Variants in SPTBN5 observed in about 807,000 individuals in gnomAD.
The protein encoded by SPTBN5 is spectrin beta, non-erythrocytic 5, also known as spectrin beta chain, non-erythrocytic 5.
A neutral mutation model predicts 477.6 loss-of-function variants in SPTBN5; 513 were observed. The observed-to-expected ratio is 1.07, with a 90% confidence interval of 1.00 to 1.16. SPTBN5 has a LOEUF of 1.16. Among genes scored for constraint, SPTBN5 ranks in the 50% most tolerant of loss-of-function variants. SPTBN5 has a pLI of 0.00. For missense variants in SPTBN5, 5,062 were observed against 4,731.8 expected, an observed-to-expected ratio of 1.07 and a Z score of -2.05; for synonymous variants, 2,169 against 2,011.7, an observed-to-expected ratio of 1.08 and a Z score of -2.09.
intron 67 of SPTBN5, 110 bp from the exon 68 acceptor site, chr15:41,848,738 A>C: frequency 7.7e-7 from 1 of 1,300,438 alleles, no homozygotes; most frequent in Non-Finnish European, 1.1e-6. Context: ...GCCTCCTAGA[A>C]TAAGCGTGGG....
At chr15:41,868,350 A>G in intron 33 of SPTBN5, 48 bp downstream of exon 33, 1 of 1,575,312 alleles carries the variant, frequency 6.3e-7, no homozygotes, top group Non-Finnish European at 8.6e-7. Flanking sequence ...GGCCAGGCAC[A>G]GGCTTGGTCA....
intron 58 of SPTBN5, 37 bp downstream of exon 58, chr15:41,853,545 G>T (rs371066277): frequency 1.2e-5 from 18 of 1,552,004 alleles, no homozygotes; most frequent in Non-Finnish European, 1.6e-5. Flanking sequence ...CACCCCACAG[G>T]GTAGAGCTGA....
intron 5 of SPTBN5, 85 bp from the exon 6 acceptor site, chr15:41,887,526 A>T: frequency 9.3e-7 from 1 of 1,075,380 alleles, no homozygotes; most frequent in Non-Finnish European, 1.4e-6. Flanking sequence ...TCATGCTCCT[A>T]TTGGCCATTC....
rs770684341 is a variant in SPTBN5 at position 41,862,651 on chromosome 15, G to C, written c.7273C>G (p.Arg2425Gly). ...PIQAQVESLE[R>G]EVGRLCQRSP... ...CTTTGGCAGAGGCGGCCCACTTCACGCTCTAGGGACTGCGGGGGAAGCCGG... is the reference window on the plus strand; with the variant it reads ...CTTTGGCAGAGGCGGCCCACTTCACCCTCTAGGGACTGCGGGGGAAGCCGG... Residue 2425 changes from arginine to glycine, a missense_variant, in exon 43 of 68, where the codon CGT becomes GGT. Coordinates refer to ENST00000320955, the MANE Select transcript of SPTBN5 (RefSeq NM_016642.4). 3.9e-6 allele frequency: 6 copies of C among 1,553,464 alleles called. No homozygotes were observed. The highest frequency in any genetic ancestry group is 5.2e-6 in the Non-Finnish European group (6 of 1,152,630).
At chr15:41,884,175 A>T (rs1029164364) in intron 7 of SPTBN5, among the ~76,000 whole-genome samples, 6 of 151,804 alleles carry the variant, frequency 4.0e-5, no homozygotes, top group Non-Finnish European at 5.9e-5. Context: ...TTTAGTAGAG[A>T]CGGGGTTTCA....
rs746881933 is a variant in SPTBN5, at chr15:41,893,512, T to C, written c.-15A>G. The C allele has an allele frequency of 3.4e-5, 53 of 1,558,220 alleles. No individual in the cohort carries two copies. Among genetic ancestry groups the C allele is most frequent in the Non-Finnish European group, 4.3e-5 (50 of 1,156,922 alleles). ...TGACCAGCCATCAGCCCTGCAGACTTTGGGGATGAGGAGCTGCTGGATGGC... is the reference window on the plus strand; with the variant it reads ...TGACCAGCCATCAGCCCTGCAGACTCTGGGGATGAGGAGCTGCTGGATGGC... On this transcript the variant is annotated 5_prime_UTR_variant, in exon 2 of 68. Transcript: ENST00000320955.
Position 41,885,920 on chromosome 15 carries a change from T to C in SPTBN5, c.1335A>G (p.Ala445=), listed in dbSNP as rs2067132076. The part of the protein sequence containing the change: ...AALRESFLKD[A]EQVLDQARAP... Reference sequence around the variant, plus strand: ...CTCTGGCCTGGTCTAGCACCTGCTCTGCATCCTTAAGGAAACTCTCCCGGA... The same window carrying C: ...CTCTGGCCTGGTCTAGCACCTGCTCCGCATCCTTAAGGAAACTCTCCCGGA... The change falls in exon 7 of 68, where the codon GCA becomes GCG. Residue 445 remains alanine, a synonymous_variant. Coordinates refer to ENST00000320955, the MANE Select transcript of SPTBN5 (RefSeq NM_016642.4). 4 of 1,581,406 alleles carry C rather than the reference T, an allele frequency of 2.5e-6. No homozygotes were observed. Among genetic ancestry groups the C allele is most frequent in the Non-Finnish European group, 3.4e-6 (4 of 1,163,716 alleles).
At chr15:41,860,066 A>G (rs1298767190) in intron 47 of SPTBN5, among the ~76,000 whole-genome samples, 7 of 152,246 alleles carry the variant, frequency 4.6e-5, no homozygotes, top group Non-Finnish European at 7.3e-5. Flanking sequence ...TGCAGGTCAC[A>G]TGCATCTGTG....
In SPTBN5 at chr15:41,861,718, G is replaced by A. The variant is rs1262462382; in HGVS notation, c.7737+17C>T. The A allele has an allele frequency of 1.6e-5, 24 of 1,533,732 alleles. No individual in the cohort carries two copies. The East Asian group carries it at 5.8e-4, about 37-fold the overall frequency. ...TCGGGGGGGCAAGATGCAGGCTGGG[G>A]ATGGGACTGTGCCTGCCTGTAGCTC... On this transcript the variant is annotated intron_variant, in intron 45 of 67. Transcript: ENST00000320955.
intron 32 of SPTBN5, 35 bp from the exon 33 acceptor site, chr15:41,868,636 G>C (rs764683495): frequency 6.3e-7 from 1 of 1,580,630 alleles, no homozygotes; most frequent in South Asian, 1.1e-5. Flanking sequence ...AGCCGGGTGA[G>C]GGCTGGGCTG....
intron 11 of SPTBN5, 27 bp from the exon 12 acceptor site, chr15:41,882,172 G>C: frequency 3.9e-6 from 6 of 1,536,988 alleles, no homozygotes; most frequent in African/African-American, 1.4e-5. Context: ...GGGGTGGTGT[G>C]GGTGAAGGGG....
chr15:41,862,087 G>C, intron 44 of SPTBN5, 43 bp downstream of exon 44: 2 of 1,401,424 alleles, frequency 1.4e-6, no homozygotes, highest in Non-Finnish European at 1.9e-6. Flanking sequence ...GGGCAGGGCG[G>C]AGCTGAGAGC....
rs765048017 is a variant in SPTBN5 at position 41,877,296 on chromosome 15, T to C, written c.3531A>G (p.Gln1177=). 2.5e-6 allele frequency: 4 copies of C among 1,613,168 alleles called. No individual in the cohort carries two copies. In the East Asian group the frequency reaches 6.7e-5, roughly 27 times the overall value. The change falls in exon 18 of 68, where the codon CAA becomes CAG. Residue 1177 remains glutamine, a synonymous_variant. Coordinates refer to ENST00000320955, the MANE Select transcript of SPTBN5 (RefSeq NM_016642.4). The stretch of plus-strand genomic sequence containing the variant: ...GGACCCTCAGAGTGTTGGGCACCTC[T>C]TGGGAGTCTGGGCAGTCCAAGGCTG... The part of the protein sequence containing the change: ...PMAALDCPDS[Q]EVPNTLRVLG...
intron 50 of SPTBN5, 37 bp downstream of exon 50, chr15:41,857,536 A>G (rs1268130686): frequency 6.2e-7 from 1 of 1,603,956 alleles, no homozygotes; most frequent in Admixed American, 1.7e-5. Context: ...AGTGTCCTGG[A>G]GCCCGGCCAG....
chr15:41,876,300 C>G lies in SPTBN5; in HGVS notation c.3952-16G>C. 1 of 1,537,230 alleles carries G rather than the reference C, an allele frequency of 6.5e-7. No homozygotes were observed. Among genetic ancestry groups the G allele is most frequent in the Non-Finnish European group, 8.8e-7 (1 of 1,140,418 alleles). On this transcript the variant is annotated splice_polypyrimidine_tract_variant and intron_variant, in intron 20 of 67. Transcript: ENST00000320955. ...GCTTCCACTCCTGCCAAGAACCAGG[C>G]GAGAGTGGGTCTCAGAGCACGGTGG...
chr15:41,878,688 A>C, intron 16 of SPTBN5, 59 bp from the exon 17 acceptor site: 1 of 1,522,756 alleles, frequency 6.6e-7, no homozygotes, highest in Non-Finnish European at 8.9e-7. Context: ...TGCCCCAGGC[A>C]CATGTCCTCT....
chr15:41,854,237 G>T (rs1436030504), intron 56 of SPTBN5, 32 bp from the exon 57 acceptor site: 1 of 1,571,300 alleles, frequency 6.4e-7, no homozygotes. Context: ...GCTCAGGGCT[G>T]TTCTCTGCTC....
chr15:41,886,134 T>C lies in SPTBN5; in HGVS notation c.1121A>G (p.Gln374Arg). 6.2e-7 allele frequency: 1 copy of C among 1,611,650 alleles called. No individual in the cohort carries two copies. The highest frequency in any genetic ancestry group is 8.5e-7 in the Non-Finnish European group (1 of 1,179,030). The change falls in exon 7 of 68, where the codon CAG becomes CGG. Residue 374 changes from glutamine to arginine, a missense_variant. By Grantham distance (43) the Gln-to-Arg change is conservative (BLOSUM62 1). Transcript: ENST00000320955. ...GAAEALLFRL[Q>R]TALQAQNRRP... Reference sequence around the variant, plus strand: ...GCGGTTCTGGGCTTGGAGTGCTGTCTGTAGCCGGAAGAGCAGGGCCTCTGC... The same window carrying C: ...GCGGTTCTGGGCTTGGAGTGCTGTCCGTAGCCGGAAGAGCAGGGCCTCTGC...
chr15:41,873,491 C>T lies in SPTBN5; in HGVS notation c.5007+1G>A. 1 of 1,550,428 alleles carries T rather than the reference C, an allele frequency of 6.4e-7. No homozygotes were observed. Among genetic ancestry groups the T allele is most frequent in the South Asian group, 1.2e-5 (1 of 84,046 alleles). On this transcript the variant is annotated splice_donor_variant, in intron 26 of 67. Transcript: ENST00000320955. LOFTEE classifies it high-confidence loss of function. ...TGCAGGGGAGGCTCAGGACGTGGTA[C>T]CTGGTGCTTGTTAATGAGCCTGAGG...
Sources: allele counts gnomAD v4.1 joint callset (sites outside exome capture counted in the v4.1 genomes callset), GRCh38; gene constraint gnomAD v4.1.1; transcripts MANE v1.5; gene names NCBI Gene and HGNC (gene_info 2026-07-23, HGNC 2026-07-21).